The following GFRA1 variants were observed in gnomAD, a reference collection of about 807,000 sequenced individuals.
The protein encoded by GFRA1 is GDNF family receptor alpha 1, also known as GDNF family receptor alpha-1.
GFRA1 carries 16 observed loss-of-function variants against 51.6 expected under a neutral mutation model. That is an observed-to-expected ratio of 0.31 (90% CI 0.21 to 0.47). The LOEUF is 0.47. Ranked by LOEUF, GFRA1 falls within the 20% of genes least tolerant of loss-of-function variation. The pLI, the probability that GFRA1 is intolerant of heterozygous loss-of-function variation, is 1.00. For missense variants in GFRA1, 530 were observed against 594.3 expected (o/e 0.89, Z 1.13); for synonymous variants, 270 against 241.3 (o/e 1.12, Z -1.10).
At chr10:116,174,827 T>A (rs955113126) in intron 5 of GFRA1, among the ~76,000 whole-genome samples, 2 of 152,196 alleles carry the variant, frequency 1.3e-5, no homozygotes, top group Admixed American at 6.5e-5. Flanking sequence ...CTTTAAAACA[T>A]GATTTTTCTC....
chr10:116,076,152 C>A (rs868846422), intron 9 of GFRA1, among the ~76,000 whole-genome samples: 55 of 151,822 alleles, frequency 3.6e-4, no homozygotes, highest in South Asian at 4.1e-4. Context: ...CTACATAGTA[C>A]TAACATAGTA....
At chr10:116,266,514 C>T (rs1969669027) in intron 4 of GFRA1, among the ~76,000 whole-genome samples, 1 of 152,238 alleles carries the variant, frequency 6.6e-6, no homozygotes, top group Non-Finnish European at 1.5e-5. Flanking sequence ...TTAAGGAACA[C>T]AGTCACTGTC....
intron 6 of GFRA1, among the ~76,000 whole-genome samples, chr10:116,098,144 A>G (rs1298086758): frequency 6.6e-6 from 1 of 152,120 alleles, no homozygotes; most frequent in Non-Finnish European, 1.5e-5. Context: ...GAATGCCCGG[A>G]GCAGATGCTG....
intron 5 of GFRA1, among the ~76,000 whole-genome samples, chr10:116,206,522 C>G (rs971292794): frequency 2.4e-4 from 37 of 151,832 alleles, no homozygotes; most frequent in Non-Finnish European, 5.4e-4. Context: ...TTAATAAAAG[C>G]AATGCCATCC....
chr10:116,082,007 G>C (rs1201364715), intron 9 of GFRA1, among the ~76,000 whole-genome samples: 1 of 152,200 alleles, frequency 6.6e-6, no homozygotes, highest in Non-Finnish European at 1.5e-5. Flanking sequence ...GATCAGTGGA[G>C]TGCAGATATG....
chr10:116,124,257 T>A (rs1306527189), intron 6 of GFRA1, among the ~76,000 whole-genome samples: 5 of 149,838 alleles, frequency 3.3e-5, no homozygotes, highest in African/African-American at 1.2e-4. Flanking sequence ...AAGACAGATT[T>A]TCACTCTTGT....
At chr10:116,237,799 G>A (rs1389043516) in intron 4 of GFRA1, among the ~76,000 whole-genome samples, 1 of 152,112 alleles carries the variant, frequency 6.6e-6, no homozygotes, top group Non-Finnish European at 1.5e-5. Context: ...GGACATCCTA[G>A]AATGTATGCA....
At chr10:116,090,032 T>C in intron 8 of GFRA1, 110 bp from the exon 9 acceptor site, 1 of 1,017,052 alleles carries the variant, frequency 9.8e-7, no homozygotes, top group Non-Finnish European at 1.5e-6. Context: ...AGCATTGGAC[T>C]TCTCTGAACA....
intron 7 of GFRA1, 118 bp downstream of exon 7, chr10:116,096,537 C>G (rs964340917): frequency 1.1e-5 from 8 of 707,416 alleles, no homozygotes; most frequent in African/African-American, 1.1e-4. Context: ...CATCCAAACC[C>G]CAGCCCAGAG....
At chr10:116,064,818 T>C (rs1307713620) in intron 10 of GFRA1, among the ~76,000 whole-genome samples, 1 of 152,198 alleles carries the variant, frequency 6.6e-6, no homozygotes, top group African/African-American at 2.4e-5. Context: ...TGGGGGAAGA[T>C]ATCTGAGTTC....
chr10:116,162,220 T>C (rs10885867), intron 5 of GFRA1, among the ~76,000 whole-genome samples: 95,503 of 152,110 alleles, frequency 0.63, 30,056 homozygotes, highest in Middle Eastern at 0.74. Context: ...CAGGCCTGAT[T>C]TGACCCATAT....
Position 116,211,662 on chromosome 10 carries a change from A to G in GFRA1, c.419-17T>C. ...GAAAAACATCTGCCAAGAAAGAAGA[A>G]AAGTAGGGGAGGGGAGAGGGGAGAA... On this transcript the variant is annotated splice_polypyrimidine_tract_variant and intron_variant, in intron 4 of 10. Coordinates refer to ENST00000355422, the MANE Select transcript of GFRA1 (RefSeq NM_005264.8). 6.5e-7 allele frequency: 1 copy of G among 1,547,992 alleles called. No individual in the cohort carries two copies. The highest frequency in any genetic ancestry group is 8.7e-7 in the Non-Finnish European group (1 of 1,143,786).
intron 4 of GFRA1, among the ~76,000 whole-genome samples, chr10:116,263,088 A>AT (rs1433342013): frequency 6.6e-6 from 1 of 152,328 alleles, no homozygotes; most frequent in South Asian, 2.1e-4. Flanking sequence ...AGGCCAGGTG[A>AT]TTAAGAGACA....
intron 4 of GFRA1, among the ~76,000 whole-genome samples, chr10:116,225,897 ATAT>A (rs931970435): frequency 2.0e-5 from 3 of 152,182 alleles, no homozygotes; most frequent in African/African-American, 7.2e-5. Context: ...CTGAAATTAA[ATAT>A]TATCATTAAA....
intron 6 of GFRA1, among the ~76,000 whole-genome samples, chr10:116,122,485 T>C (rs3843600): frequency 0.5 from 75,772 of 151,934 alleles, 20,209 homozygotes; most frequent in Admixed American, 0.63. Context: ...ACCTAAACCA[T>C]CCTGTTATCT....
intron 9 of GFRA1, among the ~76,000 whole-genome samples, chr10:116,077,052 A>C (rs1955647925): frequency 6.6e-6 from 1 of 152,216 alleles, no homozygotes; most frequent in Non-Finnish European, 1.5e-5. Flanking sequence ...GGAGGTATTC[A>C]TAAGAGACTT....
chr10:116,248,774 T>A (rs1968077161), intron 4 of GFRA1, among the ~76,000 whole-genome samples: 1 of 152,134 alleles, frequency 6.6e-6, no homozygotes, highest in African/African-American at 2.4e-5. Context: ...AGCAGCGAAT[T>A]AAATCTCTAG....
At chr10:116,158,365 A>C (rs1487554048) in intron 5 of GFRA1, among the ~76,000 whole-genome samples, 1 of 152,244 alleles carries the variant, frequency 6.6e-6, no homozygotes, top group East Asian at 1.9e-4. Flanking sequence ...GGATGGGCAT[A>C]GTGCCTAGCT....
chr10:116,107,980 C>T (rs1394505336), intron 6 of GFRA1, among the ~76,000 whole-genome samples: 1 of 152,098 alleles, frequency 6.6e-6, no homozygotes, highest in Non-Finnish European at 1.5e-5. Flanking sequence ...GGTGCATAAG[C>T]CCCAAGTTCC....
Sources: allele counts gnomAD v4.1 joint callset (sites outside exome capture counted in the v4.1 genomes callset), GRCh38; gene constraint gnomAD v4.1.1; transcripts MANE v1.5; gene names NCBI Gene and HGNC (gene_info 2026-07-23, HGNC 2026-07-21).